The following FUNDC2 variants were observed in gnomAD, a reference collection of about 807,000 sequenced individuals.
The protein encoded by FUNDC2 is FUN14 domain containing 2.
In FUNDC2, 4 loss-of-function variants were observed where a neutral mutation model predicts 15.6. That is an observed-to-expected ratio of 0.26 (90% CI 0.13 to 0.59). The LOEUF (loss-of-function observed/expected upper bound fraction) is 0.59. Ranked by LOEUF, FUNDC2 falls within the 20% of genes least tolerant of loss-of-function variation. The probability of loss-of-function intolerance (pLI) is 0.90; values close to 1 mark genes in which losing one functional copy is unlikely to be tolerated. For missense variants in FUNDC2, 98 were observed against 149.7 expected, an observed-to-expected ratio of 0.65 and a Z score of 1.80; for synonymous variants, 44 against 56.9, an observed-to-expected ratio of 0.77 and a Z score of 1.02.
rs1215535381 is a variant in FUNDC2 at position 155,060,146 on chromosome X, AGTT to A, written c.*5475_*5477del. 8.9e-6 allele frequency: 1 copy of A among 112,548 alleles called. No individual in the cohort carries two copies. Among genetic ancestry groups the A allele is most frequent in the Non-Finnish European group, 1.9e-5 (1 of 53,357 alleles). The allele number at this position is 112,548 out of a possible 1,213,427, so 9.3% of individuals were successfully genotyped here. A position where few individuals can be genotyped will look rare whatever the true frequency, so the allele number is the denominator to read the frequency against. On this transcript the variant is annotated 3_prime_UTR_variant, in exon 5 of 5. Coordinates refer to ENST00000369498, the MANE Select transcript of FUNDC2 (RefSeq NM_023934.4). The stretch of plus-strand genomic sequence containing the variant: ...ATTTAAAAGAGTCTGAAACTGGAGT[AGTT>A]AACTCAGTAAAAATAACTTGGCAAT...
intron 4 of FUNDC2, 174 bp from the exon 5 acceptor site, chrX:155,054,417 TTTAA>T (rs2073887551): frequency 1.3e-6 from 1 of 748,226 alleles, no homozygotes; most frequent in African/African-American, 2.3e-5. Flanking sequence ...TGTAAGTCTA[TTTAA>T]TTATTATTAA....
At chrX:155,047,360 T>A in intron 3 of FUNDC2, 1 of 342,583 alleles carries the variant, frequency 2.9e-6, no homozygotes, top group Non-Finnish European at 5.9e-6. Flanking sequence ...CGTTTGTCTC[T>A]TCCCACAGTT....
At chrX:155,038,035 T>C in intron 2 of FUNDC2, among the ~76,000 whole-genome samples, 1 of 109,387 alleles carries the variant, frequency 9.1e-6, no homozygotes, top group African/African-American at 3.3e-5. Context: ...GAGACCAGCC[T>C]GGGCAGCATG....
At position 155,026,904 on chromosome X, in the gene FUNDC2, C is replaced by T; in HGVS notation, c.-35C>T. 2 of 1,167,604 alleles carry T rather than the reference C, an allele frequency of 1.7e-6. No individual in the cohort carries two copies. Among genetic ancestry groups the T allele is most frequent in the Non-Finnish European group, 2.3e-6 (2 of 875,596 alleles). ...GCGGAGACTGCAAGCAGCCGCGGCGCGCCCGGCCCTCCCTCTTCCGCTGCC... is the reference window on the plus strand; with the variant it reads ...GCGGAGACTGCAAGCAGCCGCGGCGTGCCCGGCCCTCCCTCTTCCGCTGCC... On this transcript the variant is annotated 5_prime_UTR_variant, in exon 1 of 5. Coordinates refer to ENST00000369498, the MANE Select transcript of FUNDC2 (RefSeq NM_023934.4).
chrX:155,057,563 T>G lies in FUNDC2; in HGVS notation c.*2891T>G, dbSNP rs1397908362. ...TGGCGGCGACGTGGTAACACCGCAC[T>G]CAAGGCTTCCAACTTGTCAACCAAT... On this transcript the variant is annotated 3_prime_UTR_variant, in exon 5 of 5. Transcript: ENST00000369498. 6 of 111,387 alleles carry G rather than the reference T, an allele frequency of 5.4e-5. No individual in the cohort carries two copies. Among genetic ancestry groups the G allele is most frequent in the African/African-American group, 2.0e-4 (6 of 30,421 alleles). The allele number at this position is 111,387 out of a possible 1,213,427, so 9.2% of individuals were successfully genotyped here.
rs2073894842 is a variant in FUNDC2, at chrX:155,056,131, TA to T, written c.*1460del. The T allele has an allele frequency of 8.9e-6, 1 of 111,760 alleles. No individual in the cohort carries two copies. Among genetic ancestry groups the T allele is most frequent in the African/African-American group, 3.3e-5 (1 of 30,734 alleles). 9.2% of individuals were successfully genotyped at this position (111,760 alleles called of 1,213,427 possible). ...TGCTGCATATTTTGCTATAAGAACT[TA>T]TTTTTTTTCACTTTTTATTATGGAC... is the stretch of plus-strand genomic sequence containing the variant. On this transcript the variant is annotated 3_prime_UTR_variant, in exon 5 of 5. Coordinates refer to ENST00000369498, the MANE Select transcript of FUNDC2 (RefSeq NM_023934.4).
In FUNDC2 at chrX:155,060,140, T is replaced by TCTTTTAC. The variant is rs2073921785; in HGVS notation, c.*5468_*5469insCTTTTAC. The TCTTTTAC allele has an allele frequency of 1.8e-5, 2 of 112,390 alleles. No individual in the cohort carries two copies. The highest frequency in any genetic ancestry group is 9.4e-5 in the Admixed American group (1 of 10,610). 9.3% of individuals were successfully genotyped at this position (112,390 alleles called of 1,213,427 possible). A position where few individuals can be genotyped will look rare whatever the true frequency, so the allele number is the denominator to read the frequency against. The stretch of plus-strand genomic sequence containing the variant: ...AAAAACATTTAAAAGAGTCTGAAAC[T>TCTTTTAC]GGAGTAGTTAACTCAGTAAAAATAA... On this transcript the variant is annotated 3_prime_UTR_variant, in exon 5 of 5. Coordinates refer to ENST00000369498, the MANE Select transcript of FUNDC2 (RefSeq NM_023934.4).
intron 2 of FUNDC2, among the ~76,000 whole-genome samples, chrX:155,043,003 C>T (rs1177047847): frequency 1.8e-5 from 2 of 111,584 alleles, no homozygotes; most frequent in African/African-American, 3.3e-5. Context: ...GTGGCACAAT[C>T]ACAGCTCACT....
In FUNDC2 at chrX:155,059,527, C is replaced by T. The variant is rs983993833; in HGVS notation, c.*4855C>T. On this transcript the variant is annotated 3_prime_UTR_variant, in exon 5 of 5. Transcript: ENST00000369498. ...TGCTTAAGACTGAGATTCAGTGTTA[C>T]TCTTGGTCCCTAACAATAAGAAGCA... The T allele has an allele frequency of 1.6e-4, 18 of 109,331 alleles. No homozygotes were observed. Among genetic ancestry groups the T allele is most frequent in the African/African-American group, 5.7e-4 (17 of 29,947 alleles). 9.0% of individuals were successfully genotyped at this position (109,331 alleles called of 1,213,427 possible). A position where few individuals can be genotyped will look rare whatever the true frequency, so the allele number is the denominator to read the frequency against.
rs1273082393 is a variant in FUNDC2 at position 155,059,739 on chromosome X, G to C, written c.*5067G>C. On this transcript the variant is annotated 3_prime_UTR_variant, in exon 5 of 5. Coordinates refer to ENST00000369498, the MANE Select transcript of FUNDC2 (RefSeq NM_023934.4). ...TGAAAGAAAGTCGTATACTGATACA[G>C]TTTGGAGCCACCGAATGTCATGTTG... The C allele has an allele frequency of 8.9e-6, 1 of 112,429 alleles. No homozygotes were observed. Among genetic ancestry groups the C allele is most frequent in the Non-Finnish European group, 1.9e-5 (1 of 53,306 alleles). 9.3% of individuals were successfully genotyped at this position (112,429 alleles called of 1,213,427 possible).
At chrX:155,043,344 G>C (rs1383997280) in intron 2 of FUNDC2, among the ~76,000 whole-genome samples, 4 of 112,003 alleles carry the variant, frequency 3.6e-5, no homozygotes, top group Admixed American at 1.9e-4. Context: ...AACTTTTAAT[G>C]CTTTTGTCTA....
chrX:155,029,286 A>C (rs965180021), intron 1 of FUNDC2, among the ~76,000 whole-genome samples: 1 of 112,132 alleles, frequency 8.9e-6, no homozygotes, highest in Non-Finnish European at 1.9e-5. Context: ...AACAAAGACA[A>C]ACCACAGTGC....
rs782418293 is a variant in FUNDC2, at chrX:155,027,008, C to T, written c.70C>T (p.Arg24Cys). The T allele has an allele frequency of 5.0e-6, 6 of 1,202,782 alleles. No individual in the cohort carries two copies. The East Asian group carries it at 1.8e-4, about 36-fold the overall frequency. Reference sequence around the variant, plus strand: ...AACTGCGCGCCACTCCGCGGCCTACCGCGCAGATCCTCTACGTGTGTCCTC... The same window carrying T: ...AACTGCGCGCCACTCCGCGGCCTACTGCGCAGATCCTCTACGTGTGTCCTC... ...ATTARHSAAYRADPLRVSSRD... is the reference protein window; with the variant it reads ...ATTARHSAAYCADPLRVSSRD... The change falls in exon 1 of 5, where the codon CGC becomes TGC. Residue 24 changes from arginine to cysteine, a missense_variant. Physicochemically the swap from Arg to Cys is radical, Grantham distance 180. Coordinates refer to ENST00000369498, the MANE Select transcript of FUNDC2 (RefSeq NM_023934.4).
chrX:155,050,649 CTT>C (rs782104245), intron 3 of FUNDC2: 1 of 111,986 alleles, frequency 8.9e-6, no homozygotes, highest in South Asian at 3.7e-4. Flanking sequence ...TGTTGATAGA[CTT>C]TTGTGTATTT....
Position 155,058,251 on chromosome X carries a change from G to A in FUNDC2, c.*3579G>A. Reference sequence around the variant, plus strand: ...TAGATTCTACAAGGAATGATCTCTTGCATAATTCTAGCCAACATGCTCTTG... The same window carrying A: ...TAGATTCTACAAGGAATGATCTCTTACATAATTCTAGCCAACATGCTCTTG... On this transcript the variant is annotated 3_prime_UTR_variant, in exon 5 of 5. Coordinates refer to ENST00000369498, the MANE Select transcript of FUNDC2 (RefSeq NM_023934.4). 9.0e-6 allele frequency: 1 copy of A among 111,477 alleles called. No individual in the cohort carries two copies. The highest frequency in any genetic ancestry group is 2.8e-4 in the East Asian group (1 of 3,548). The allele number at this position is 111,477 out of a possible 1,213,427, so 9.2% of individuals were successfully genotyped here. A position where few individuals can be genotyped will look rare whatever the true frequency, so the allele number is the denominator to read the frequency against.
At chrX:155,047,670 T>C (rs2073866935) in intron 3 of FUNDC2, among the ~76,000 whole-genome samples, 1 of 110,627 alleles carries the variant, frequency 9.0e-6, no homozygotes, top group Admixed American at 9.6e-5. Context: ...GGTCTGGACT[T>C]GTGGGGCCTC....
chrX:155,058,692 TCA>T lies in FUNDC2; in HGVS notation c.*4024_*4025del, dbSNP rs1302563071. ...ATTTTCTGCCCAATTTTCTAAGAGG[TCA>T]CACTAACATCTGAGTAATTGGGCAG... On this transcript the variant is annotated 3_prime_UTR_variant, in exon 5 of 5. Coordinates refer to ENST00000369498, the MANE Select transcript of FUNDC2 (RefSeq NM_023934.4). 2 of 110,547 alleles carry T rather than the reference TCA, an allele frequency of 1.8e-5. No homozygotes were observed. The highest frequency in any genetic ancestry group is 3.8e-5 in the Non-Finnish European group (2 of 52,909). 9.1% of individuals were successfully genotyped at this position (110,547 alleles called of 1,213,427 possible).
At position 155,043,676 on chromosome X, in the gene FUNDC2, A is replaced by G. The variant is rs7880903; in HGVS notation, c.285-2833A>G. ...ATTTTTGTAACAGCAAAAATCTGTA[A>G]CCATTCTAAATATGTCAGTTACTCT... On this transcript the variant is annotated intron_variant, in intron 2 of 4. Coordinates refer to ENST00000369498, the MANE Select transcript of FUNDC2 (RefSeq NM_023934.4). 3.2e-3 allele frequency among the ~76,000 whole-genome samples: 355 copies of G among 112,339 alleles called. 1 individual carries two copies. Among genetic ancestry groups the G allele is most frequent in the African/African-American group, 0.011 (335 of 30,934 alleles).
In FUNDC2 at chrX:155,054,797, G is replaced by A; in HGVS notation, c.*125G>A. 3.4e-6 allele frequency: 2 copies of A among 593,817 alleles called. No individual in the cohort carries two copies. The highest frequency in any genetic ancestry group is 2.8e-6 in the Non-Finnish European group (1 of 357,123). The allele number at this position is 593,817 out of a possible 1,213,427, so 48.9% of individuals were successfully genotyped here. On this transcript the variant is annotated 3_prime_UTR_variant, in exon 5 of 5. Transcript: ENST00000369498. Reference sequence around the variant, plus strand: ...TTCTTCCCTGCCATGGCAAATCTGAGTGGCTTCTCTAAGCATCTGCTGGTA... The same window carrying A: ...TTCTTCCCTGCCATGGCAAATCTGAATGGCTTCTCTAAGCATCTGCTGGTA...
Sources: gnomAD v4.1 joint callset for allele counts (sites outside exome capture counted in the v4.1 genomes callset) on GRCh38, gnomAD v4.1.1 for gene constraint, MANE v1.5 for transcripts, NCBI Gene and HGNC (gene_info 2026-07-23, HGNC 2026-07-21) for gene names.